Variants in PLXND1 observed in about 807,000 individuals in gnomAD.
PLXND1 encodes plexin D1, also known as plexin-D1.
PLXND1 carries 54 observed loss-of-function variants against 197.7 expected under a neutral mutation model. The ratio of observed to expected loss-of-function variants is 0.27; its 90% CI spans 0.22 to 0.34. The LOEUF (loss-of-function observed/expected upper bound fraction) is 0.34. Among genes scored for constraint, PLXND1 ranks in the 10% least tolerant of loss-of-function variants. PLXND1 has a pLI of 1.00. For missense variants in PLXND1, 2,127 were observed against 2,699.2 expected, an observed-to-expected ratio of 0.79 and a Z score of 4.70; for synonymous variants, 1,180 against 1,161.2, an observed-to-expected ratio of 1.02 and a Z score of -0.33.
In PLXND1 at chr3:129,558,676, G is replaced by A; in HGVS notation, c.5298-101C>T. ...AGCTGGCTTTGTCCCTCAAGGGCCT[G>A]AGGTTGGAGCCTTGTCACAAGATGT... On this transcript the variant is annotated intron_variant, in intron 32 of 35. Coordinates refer to ENST00000324093, the MANE Select transcript of PLXND1 (RefSeq NM_015103.3). This position sits in a 1 kb window ranked among gnomAD's most constrained non-coding sequence, Gnocchi z 4.1. 1 of 1,182,082 alleles carries A rather than the reference G, an allele frequency of 8.5e-7. No homozygotes were observed. The allele number at this position is 1,182,082 out of a possible 1,614,324, so 73.2% of individuals were successfully genotyped here. A position where few individuals can be genotyped will look rare whatever the true frequency, so the allele number is the denominator to read the frequency against.
chr3:129,582,051 C>G (rs1418286115), intron 8 of PLXND1, among the ~76,000 whole-genome samples: 1 of 152,238 alleles, frequency 6.6e-6, no homozygotes, highest in African/African-American at 2.4e-5. Context: ...CAGCTCAGGG[C>G]TCCCGTATGG....
intron 14 of PLXND1, 33 bp downstream of exon 14, chr3:129,572,809 C>T (rs764514082): frequency 2.0e-5 from 33 of 1,612,148 alleles, no homozygotes; most frequent in South Asian, 3.3e-5. Context: ...GCGTGCTGGG[C>T]GGGCCGGACA....
intron 24 of PLXND1, 102 bp downstream of exon 24, chr3:129,565,785 G>A: frequency 1.6e-6 from 2 of 1,259,618 alleles, no homozygotes; most frequent in Non-Finnish European, 2.2e-6. Flanking sequence ...CTGGAATATG[G>A]GGGTGTCAAG....
At chr3:129,603,481 CTT>C (rs1175140237) in intron 1 of PLXND1, among the ~76,000 whole-genome samples, 1 of 152,206 alleles carries the variant, frequency 6.6e-6, no homozygotes, top group East Asian at 1.9e-4. Context: ...CCACAGGACA[CTT>C]CTCTCCATTC....
intron 30 of PLXND1, 49 bp from the exon 31 acceptor site, chr3:129,560,483 C>T: frequency 7.5e-7 from 1 of 1,335,470 alleles, no homozygotes; most frequent in Non-Finnish European, 1.1e-6. Context: ...CCATCCTCGG[C>T]CGCCTGTGGG....
At chr3:129,572,364 A>C (rs2085246896) in intron 15 of PLXND1, among the ~76,000 whole-genome samples, 1 of 152,202 alleles carries the variant, frequency 6.6e-6, no homozygotes, top group Non-Finnish European at 1.5e-5. Flanking sequence ...CACCATTCTC[A>C]TTACAGCTAT....
chr3:129,558,588 G>T lies in PLXND1; in HGVS notation c.5298-13C>A. 6.2e-7 allele frequency: 1 copy of T among 1,613,282 alleles called. No homozygotes were observed. Among genetic ancestry groups the T allele is most frequent in the South Asian group, 1.1e-5 (1 of 91,036 alleles). ...CCGGAGAGGAAGGCTGTGGGGTAGG[G>T]TGACAAAGACAGTGAGGGTAGGGTG... On this transcript the variant is annotated splice_polypyrimidine_tract_variant and intron_variant, in intron 32 of 35. Transcript: ENST00000324093. The surrounding 1 kb of genome is among the most constrained non-coding windows in gnomAD (Gnocchi z 4.1).
rs372512643 is a variant in PLXND1, at chr3:129,556,452, C to T, written c.5662-24G>A. The T allele has an allele frequency of 1.9e-5, 30 of 1,581,432 alleles. No individual in the cohort carries two copies. In the East Asian group the frequency reaches 3.8e-4, roughly 20 times the overall value. ...ATCTGAGGGGAGCAGCGGAGTCAGCCGGGCCATGGCCGGTAGCCCTGCCTC... is the reference window on the plus strand; with the variant it reads ...ATCTGAGGGGAGCAGCGGAGTCAGCTGGGCCATGGCCGGTAGCCCTGCCTC... On this transcript the variant is annotated intron_variant, in intron 35 of 35. Transcript: ENST00000324093.
At position 129,569,931 on chromosome 3, in the gene PLXND1, G is replaced by T; in HGVS notation, c.3777C>A (p.Thr1259=). Reference sequence around the variant, plus strand: ...TGCCCCCCAGCTGCAGTGTGGCGATGGTCTGGTTGAAGTTCCCTACCTGGA... The same window carrying T: ...TGCCCCCCAGCTGCAGTGTGGCGATTGTCTGGTTGAAGTTCCCTACCTGGA... The part of the protein sequence containing the change: ...ITIQVGNFNQ[T]IATLQLGGSE... Residue 1259 remains threonine, a synonymous_variant, in exon 20 of 36, where the codon ACC becomes ACA. Coordinates refer to ENST00000324093, the MANE Select transcript of PLXND1 (RefSeq NM_015103.3). The T allele has an allele frequency of 6.2e-7, 1 of 1,612,378 alleles. No homozygotes were observed. Among genetic ancestry groups the T allele is most frequent in the South Asian group, 1.1e-5 (1 of 91,054 alleles).
intron 18 of PLXND1, 33 bp from the exon 19 acceptor site, chr3:129,570,968 G>T: frequency 6.2e-7 from 1 of 1,613,986 alleles, no homozygotes; most frequent in Non-Finnish European, 8.5e-7. Flanking sequence ...TGCTCATGGG[G>T]AAGTGCTCCC....
In PLXND1 at chr3:129,555,634, C is replaced by T. The variant is rs185950526; in HGVS notation, c.*678G>A. On this transcript the variant is annotated 3_prime_UTR_variant, in exon 36 of 36. Coordinates refer to ENST00000324093, the MANE Select transcript of PLXND1 (RefSeq NM_015103.3). Reference sequence around the variant, plus strand: ...GCCTCGGTGCATCTTAACCCCTCTCCTTTTCCTGGAGACGGGGCTCCCAGC... The same window carrying T: ...GCCTCGGTGCATCTTAACCCCTCTCTTTTTCCTGGAGACGGGGCTCCCAGC... 1.4e-5 allele frequency: 8 copies of T among 563,536 alleles called. No homozygotes were observed. Among genetic ancestry groups the T allele is most frequent in the East Asian group, 3.3e-5 (1 of 30,420 alleles). 34.9% of individuals were successfully genotyped at this position (563,536 alleles called of 1,614,324 possible).
In PLXND1 at chr3:129,586,251, C is replaced by A. The variant is rs559891372; in HGVS notation, c.1642G>T (p.Ala548Ser). 1 of 1,584,782 alleles carries A rather than the reference C, an allele frequency of 6.3e-7. No homozygotes were observed. Among genetic ancestry groups the A allele is most frequent in the African/African-American group, 1.3e-5 (1 of 74,478 alleles). Residue 548 changes from alanine (A) to serine (S), a missense_variant, in exon 4 of 36, where the codon GCC becomes TCC. Physicochemically the swap from Ala to Ser is moderately conservative, Grantham distance 99 (BLOSUM62 1). This residue lies in a region of PLXND1 where 1,095 missense variants were observed against 1,259.8 expected (regional missense o/e 0.87). Coordinates refer to ENST00000324093, the MANE Select transcript of PLXND1 (RefSeq NM_015103.3). ...SHQMARVKVA[A>S]CNVHSTCGDC... is the part of the protein sequence containing the mutation. The stretch of plus-strand genomic sequence containing the variant: ...CCACAGGTGGAGTGCACGTTGCAGG[C>A]GGCGACCTTCACCCTGGCCATCTGG...
chr3:129,558,320 C>T lies in PLXND1; in HGVS notation c.5445+108G>A. Reference sequence around the variant, plus strand: ...GACCTGAGATCTTTTGGTTCCCCTCCCAGGAAGATCTCTGAGCTCAGCCTC... The same window carrying T: ...GACCTGAGATCTTTTGGTTCCCCTCTCAGGAAGATCTCTGAGCTCAGCCTC... On this transcript the variant is annotated intron_variant, in intron 33 of 35. Transcript: ENST00000324093. This position sits in a 1 kb window ranked among gnomAD's most constrained non-coding sequence, Gnocchi z 4.1. The T allele has an allele frequency of 9.0e-7, 1 of 1,111,508 alleles. No individual in the cohort carries two copies. Among genetic ancestry groups the T allele is most frequent in the South Asian group, 1.5e-5 (1 of 67,242 alleles). 68.9% of individuals were successfully genotyped at this position (1,111,508 alleles called of 1,614,324 possible).
intron 1 of PLXND1, among the ~76,000 whole-genome samples, chr3:129,601,835 C>G (rs2085712681): frequency 6.6e-6 from 1 of 152,218 alleles, no homozygotes; most frequent in South Asian, 2.1e-4. Context: ...CCTCCAAGCC[C>G]TCAGCACTGC....
At chr3:129,561,948 G>A (rs767260165) in intron 27 of PLXND1, 45 bp from the exon 28 acceptor site, 45 of 1,367,916 alleles carry the variant, frequency 3.3e-5, no homozygotes, top group Non-Finnish European at 4.6e-5. Context: ...CAGGGAGCTG[G>A]GCCTGAGGGG....
chr3:129,563,251 C>A lies in PLXND1; in HGVS notation c.4522-11G>T. ...CTCCCCCACCGTCTCCTGAGGGGCA[C>A]GGGGGTATCAGGGCCAAGGCCCCCT... is the stretch of plus-strand genomic sequence containing the variant. On this transcript the variant is annotated splice_polypyrimidine_tract_variant and intron_variant, in intron 25 of 35. Transcript: ENST00000324093. 1.2e-6 allele frequency: 2 copies of A among 1,603,554 alleles called. No homozygotes were observed. Among genetic ancestry groups the A allele is most frequent in the Non-Finnish European group, 1.7e-6 (2 of 1,174,902 alleles).
intron 22 of PLXND1, among the ~76,000 whole-genome samples, chr3:129,566,912 CT>C (rs1421435166): frequency 1.3e-5 from 2 of 152,204 alleles, no homozygotes; most frequent in South Asian, 4.1e-4. Flanking sequence ...GAGCTTTAGC[CT>C]GAGGCTGGGA....
rs1249852065 is a variant in PLXND1, at chr3:129,556,627, T to C, written c.5651A>G (p.Tyr1884Cys). Reference sequence around the variant, plus strand: ...CCCTGGGGCACTCACCTGCGGCCGATACCTCTTGGCGTACTTATAAATCTC... The same window carrying C: ...CCCTGGGGCACTCACCTGCGGCCGACACCTCTTGGCGTACTTATAAATCTC... ...MAEIYKYAKR[Y>C]RPQIMAALEA... Residue 1884 changes from tyrosine (Y) to cysteine (C), a missense_variant, in exon 35 of 36, where the codon TAT becomes TGT. By Grantham distance (194) the Tyr-to-Cys change is radical. Transcript: ENST00000324093. The C allele has an allele frequency of 1.2e-6, 2 of 1,612,428 alleles. No individual in the cohort carries two copies. The highest frequency in any genetic ancestry group is 2.7e-5 in the African/African-American group (2 of 74,904).
chr3:129,556,641 C>T lies in PLXND1; in HGVS notation c.5637G>A (p.Lys1879=), dbSNP rs1560055865. 6.2e-7 allele frequency: 1 copy of T among 1,613,342 alleles called. No homozygotes were observed. Among genetic ancestry groups the T allele is most frequent in the East Asian group, 2.2e-5 (1 of 44,870 alleles). The change falls in exon 35 of 36, where the codon AAG becomes AAA. Residue 1879 remains lysine (K), a synonymous_variant. Transcript: ENST00000324093. ...CCTGCGGCCGATACCTCTTGGCGTA[C>T]TTATAAATCTCTGCCATGGCCACAT... is the stretch of plus-strand genomic sequence containing the variant. ...NTNVAMAEIY[K]YAKRYRPQIM...
Sources: gnomAD v4.1 joint callset for allele counts (sites outside exome capture counted in the v4.1 genomes callset) on GRCh38, gnomAD v4.1.1 for gene constraint, gnomAD v4.1.1 regional missense constraint, Gnocchi (gnomAD v3.1) non-coding constraint, MANE v1.5 for transcripts, NCBI Gene and HGNC (gene_info 2026-07-23, HGNC 2026-07-21) for gene names.